GALNT9: variants seen among roughly 807,000 people sequenced by gnomAD.
GALNT9 encodes GalNAc transferase 9.
Under a neutral mutation model 63.1 loss-of-function variants are expected in GALNT9, and 47 were observed. The ratio of observed to expected loss-of-function variants is 0.75; its 90% CI spans 0.59 to 0.95. GALNT9 has a LOEUF of 0.95. Among genes scored for constraint, GALNT9 ranks in the 40% least tolerant of loss-of-function variants. GALNT9 has a pLI of 0.00. For synonymous variants in GALNT9, 396 were observed against 365.7 expected (o/e 1.08, Z -0.94); for missense variants, 829 against 874.8 (o/e 0.95, Z 0.66).
chr12:132,302,714 C>T (rs1396934493), intron 1 of GALNT9, among the ~76,000 whole-genome samples: 1 of 152,174 alleles, frequency 6.6e-6, no homozygotes, highest in African/African-American at 2.4e-5. Context: ...GCAGGATCCC[C>T]AGGAAGAGGA....
intron 1 of GALNT9, among the ~76,000 whole-genome samples, chr12:132,307,604 C>T (rs1881660438): frequency 6.7e-6 from 1 of 149,780 alleles, no homozygotes; most frequent in Non-Finnish European, 1.5e-5. Flanking sequence ...GAGGCCAAGG[C>T]GGGTGGATCA....
intron 1 of GALNT9, among the ~76,000 whole-genome samples, chr12:132,299,822 C>T: frequency 6.9e-6 from 1 of 144,840 alleles, no homozygotes; most frequent in Non-Finnish European, 1.5e-5. Context: ...CCCACTCCCA[C>T]CACACCTAAC....
intron 1 of GALNT9, among the ~76,000 whole-genome samples, chr12:132,294,596 G>A (rs1368738032): frequency 1.3e-5 from 2 of 152,350 alleles, no homozygotes; most frequent in Non-Finnish European, 1.5e-5. Flanking sequence ...GTCATGTAGC[G>A]CCAAGGTGCT....
At position 132,201,119 on chromosome 12, in the gene GALNT9, G is replaced by A. The variant is rs770271108; in HGVS notation, c.1401+5C>T. ...GCCGAACGGGGCCCTCGGGGGAGGT[G>A]CTACCTCTCCGTACGTGAGGGTGTT... On this transcript the variant is annotated splice_donor_5th_base_variant and intron_variant, in intron 8 of 10. Coordinates refer to ENST00000328957, the MANE Select transcript of GALNT9 (RefSeq NM_001122636.2). The A allele has an allele frequency of 1.2e-6, 2 of 1,612,308 alleles. No individual in the cohort carries two copies. The highest frequency in any genetic ancestry group is 4.5e-5 in the East Asian group (2 of 44,854).
chr12:132,309,445 G>A (rs1178710113), intron 1 of GALNT9, among the ~76,000 whole-genome samples: 1 of 152,244 alleles, frequency 6.6e-6, no homozygotes, highest in East Asian at 1.9e-4. Flanking sequence ...ACCTGTGGAT[G>A]TGGGAGTAAG....
Position 132,236,179 on chromosome 12 carries a change from C to A in GALNT9, c.1077+11731G>T, listed in dbSNP as rs1390838786. Among the ~76,000 whole-genome samples, 2 of 152,120 alleles carry A rather than the reference C, an allele frequency of 1.3e-5. No homozygotes were observed. The highest frequency in any genetic ancestry group is 2.4e-5 in the African/African-American group (1 of 41,402). On this transcript the variant is annotated intron_variant, in intron 6 of 10. Coordinates refer to ENST00000328957, the MANE Select transcript of GALNT9 (RefSeq NM_001122636.2). The surrounding 1 kb of genome is among the most constrained non-coding windows in gnomAD (Gnocchi z 5.6). Reference sequence around the variant, plus strand: ...GGGCTGGAGTTCAAGGTCAGACGGGCCTTTCAAATACAAGCAAATGCCAGC... The same window carrying A: ...GGGCTGGAGTTCAAGGTCAGACGGGACTTTCAAATACAAGCAAATGCCAGC...
At position 132,201,263 on chromosome 12, in the gene GALNT9, T is replaced by C. The variant is rs1876074458; in HGVS notation, c.1264-2A>G. 2 of 1,611,098 alleles carry C rather than the reference T, an allele frequency of 1.2e-6. No individual in the cohort carries two copies. Among genetic ancestry groups the C allele is most frequent in the Non-Finnish European group, 1.7e-6 (2 of 1,177,668 alleles). On this transcript the variant is annotated splice_acceptor_variant, in intron 7 of 10. Coordinates refer to ENST00000328957, the MANE Select transcript of GALNT9 (RefSeq NM_001122636.2). LOFTEE classifies it high-confidence loss of function. The stretch of plus-strand genomic sequence containing the variant: ...GTCCCCGAAGTCCACCCCTGGGTTC[T>C]GCAAGGCCAGAAGTAGGTGAGAGGG...
chr12:132,262,623 CA>C lies in GALNT9; in HGVS notation c.421del (p.Cys141AlafsTer4). ...RSIPDYRPRKCRQMSYAQDLP... is the reference protein window; with the variant it reads ...RSIPDYRPRKXRQMSYAQDLP... ...GTCCTGGGCGTAGCTCATCTGTCTG[CA>C]CCTGCAGGAAACACGGTTTGGGGTG... On this transcript the variant is annotated frameshift_variant and splice_region_variant, in exon 3 of 11. Transcript: ENST00000328957. LOFTEE classifies it high-confidence loss of function. 6.5e-7 allele frequency: 1 copy of C among 1,544,562 alleles called. No individual in the cohort carries two copies. Among genetic ancestry groups the C allele is most frequent in the South Asian group, 1.2e-5 (1 of 83,640 alleles).
At chr12:132,230,001 C>T (rs1877831884) in intron 6 of GALNT9, among the ~76,000 whole-genome samples, 1 of 152,184 alleles carries the variant, frequency 6.6e-6, no homozygotes, top group East Asian at 1.9e-4. Flanking sequence ...TTCTGCCAGG[C>T]CGACCTGGGT....
intron 1 of GALNT9, among the ~76,000 whole-genome samples, chr12:132,290,708 C>T (rs1337096797): frequency 5.5e-5 from 6 of 109,356 alleles, no homozygotes; most frequent in African/African-American, 1.5e-4. Flanking sequence ...ACAGCACCCA[C>T]GTCCACATCA....
At chr12:132,326,978 GC>G (rs782017842) in intron 1 of GALNT9, among the ~76,000 whole-genome samples, 1 of 152,172 alleles carries the variant, frequency 6.6e-6, no homozygotes, top group Non-Finnish European at 1.5e-5. Context: ...ATTTCCTGGG[GC>G]AAAGATTGAC....
intron 6 of GALNT9, among the ~76,000 whole-genome samples, chr12:132,240,899 A>C (rs2136900030): frequency 0.15 from 6,769 of 44,814 alleles, 84 homozygotes; most frequent in Middle Eastern, 0.31. Flanking sequence ...CACACCACAC[A>C]CCCTTCCCGG....
intron 4 of GALNT9, among the ~76,000 whole-genome samples, chr12:132,259,921 G>C (rs1293759907): frequency 2.0e-5 from 3 of 152,222 alleles, no homozygotes; most frequent in African/African-American, 7.2e-5. Context: ...CCTTGTGGTT[G>C]GGTGGACAGG....
intron 6 of GALNT9, among the ~76,000 whole-genome samples, chr12:132,233,124 A>G (rs1239915086): frequency 1.8e-5 from 1 of 55,880 alleles, no homozygotes; most frequent in Non-Finnish European, 3.2e-5. Context: ...GGAGTCCCCT[A>G]CTGCCACACA....
At chr12:132,221,795 A>G (rs140555374) in intron 6 of GALNT9, among the ~76,000 whole-genome samples, 1,729 of 152,146 alleles carry the variant, frequency 0.011, 29 homozygotes, top group African/African-American at 0.04. Flanking sequence ...CCCACCCCAC[A>G]GCCGTTCCTG....
At chr12:132,198,033 G>A (rs997199023) in intron 9 of GALNT9, 74 bp from the exon 10 acceptor site, 13 of 1,188,010 alleles carry the variant, frequency 1.1e-5, no homozygotes, top group Middle Eastern at 2.0e-4. Context: ...CAGGCCGTGC[G>A]AGCTGCCTTG....
At chr12:132,260,139 A>G (rs1384451109) in intron 4 of GALNT9, among the ~76,000 whole-genome samples, 1 of 152,040 alleles carries the variant, frequency 6.6e-6, no homozygotes, top group Admixed American at 6.5e-5. Context: ...CCCAACTCTA[A>G]TGACAAGGGT....
Position 132,219,522 on chromosome 12 carries a change from C to T in GALNT9, c.1078-15832G>A, listed in dbSNP as rs142029999. Among the ~76,000 whole-genome samples, 20 of 152,136 alleles carry T rather than the reference C, an allele frequency of 1.3e-4. No homozygotes were observed. The East Asian group carries it at 1.4e-3, about 10-fold the overall frequency. On this transcript the variant is annotated intron_variant, in intron 6 of 10. Transcript: ENST00000328957. ...TTGGCGGGGACAGGTGCTGGGCGTG[C>T]GGCCAGGATCCTGGCATGAACTCAG...
intron 2 of GALNT9, among the ~76,000 whole-genome samples, chr12:132,281,337 G>A (rs569750595): frequency 6.6e-6 from 1 of 152,340 alleles, no homozygotes; most frequent in Non-Finnish European, 1.5e-5. Flanking sequence ...GGGCTCGTGA[G>A]GGGCAGGCGA....
Sources: allele counts gnomAD v4.1 joint callset (sites outside exome capture counted in the v4.1 genomes callset), GRCh38; gene constraint gnomAD v4.1.1; non-coding constraint Gnocchi (gnomAD v3.1); transcripts MANE v1.5; gene names NCBI Gene and HGNC (gene_info 2026-07-23, HGNC 2026-07-21).